Variants in TENM2 observed in about 807,000 individuals in gnomAD.
TENM2 encodes the protein teneurin-2.
In TENM2, 52 loss-of-function variants were observed where a neutral mutation model predicts 245.2. The ratio of observed to expected loss-of-function variants is 0.21; its 90% CI spans 0.17 to 0.27. The LOEUF is 0.27. Among genes scored for constraint, TENM2 ranks in the 10% least tolerant of loss-of-function variants. The pLI is 1.00. For synonymous variants in TENM2, 1,363 were observed against 1,438.9 expected (o/e 0.95, Z 1.19); for missense variants, 3,046 against 3,666.8 (o/e 0.83, Z 4.37).
At chr5:167,117,837 A>G in the TENM2 span, among the ~76,000 whole-genome samples, 1 of 38,528 alleles carries the variant, frequency 2.6e-5, no homozygotes. Context: ...TCCCCCACCC[A>G]GTTGTGAATA....
intron 2 of TENM2, among the ~76,000 whole-genome samples, chr5:167,527,237 G>A (rs1459490922): frequency 6.6e-6 from 1 of 152,000 alleles, no homozygotes; most frequent in Non-Finnish European, 1.5e-5. Context: ...TATGACGTAG[G>A]CCCTCATGCA....
intron 5 of TENM2, among the ~76,000 whole-genome samples, chr5:168,024,669 A>G (rs908621510): frequency 6.6e-6 from 1 of 152,162 alleles, no homozygotes; most frequent in Non-Finnish European, 1.5e-5. Context: ...GACAATTAAG[A>G]AAAAAATAGT....
intron 4 of TENM2, among the ~76,000 whole-genome samples, chr5:167,974,037 A>AAGGAGAAG (rs749674919): frequency 4.0e-5 from 1 of 25,060 alleles, no homozygotes; most frequent in Non-Finnish European, 5.5e-5. Context: ...GGAAGGAAGG[A>AAGGAGAAG]GAAGGAAGGA....
chr5:167,393,265 T>C (rs1761867994), intron 2 of TENM2, among the ~76,000 whole-genome samples: 1 of 151,856 alleles, frequency 6.6e-6, no homozygotes, highest in Admixed American at 6.6e-5. Context: ...AACTATGCTA[T>C]GTAGTGATAA....
At chr5:168,102,146 T>G (rs543421008) in intron 9 of TENM2, among the ~76,000 whole-genome samples, 1 of 152,288 alleles carries the variant, frequency 6.6e-6, no homozygotes, top group South Asian at 2.1e-4. Context: ...CAATCTCGGC[T>G]CACCGCAACC....
chr5:167,958,947 G>A (rs545937591), intron 4 of TENM2, among the ~76,000 whole-genome samples: 61 of 152,114 alleles, frequency 4.0e-4, no homozygotes, highest in African/African-American at 1.3e-3. Context: ...TGAATCTGAC[G>A]ATTATGTGTC....
At chr5:167,599,998 T>A (rs1369633023) in intron 2 of TENM2, among the ~76,000 whole-genome samples, 1 of 148,840 alleles carries the variant, frequency 6.7e-6, no homozygotes, top group East Asian at 2.0e-4. Context: ...ACACAAAAAT[T>A]AGCCAGACGT....
chr5:167,287,888 G>GACT (rs1345274583), intron 1 of TENM2: 50 of 152,192 alleles, frequency 3.3e-4, no homozygotes, highest in African/African-American at 1.2e-3. Flanking sequence ...ATTAGTAAAT[G>GACT]ACTAATCCTG....
At chr5:167,261,941 G>A in the TENM2 span, among the ~76,000 whole-genome samples, 1 of 152,134 alleles carries the variant, frequency 6.6e-6, no homozygotes, top group Non-Finnish European at 1.5e-5. Context: ...GGGTCAGACC[G>A]AATTCAACAC....
intron 2 of TENM2, among the ~76,000 whole-genome samples, chr5:167,702,517 C>A: frequency 7.1e-6 from 1 of 140,280 alleles, no homozygotes; most frequent in Non-Finnish European, 1.5e-5. Flanking sequence ...AAAGAAAGGG[C>A]TAATTTATAT....
chr5:167,722,597 A>C (rs1485221881), intron 2 of TENM2, among the ~76,000 whole-genome samples: 1 of 152,138 alleles, frequency 6.6e-6, no homozygotes, highest in Non-Finnish European at 1.5e-5. Context: ...AACATGGTGA[A>C]ACCCCATCTC....
chr5:167,581,145 T>C lies in TENM2; in HGVS notation c.502+205672T>C, dbSNP rs1775066495. ...AAATAGTGTACTCTTCTGTCATCTC[T>C]ATTTGACAAACATACTTATTAATAA... On this transcript the variant is annotated intron_variant, in intron 2 of 28. Transcript: ENST00000518659. Among the ~76,000 whole-genome samples the C allele has an allele frequency of 2.0e-5, 3 of 152,254 alleles. No homozygotes were observed. In the South Asian group the frequency reaches 6.2e-4, roughly 31 times the overall value.
At chr5:168,063,352 T>C (rs1790211545) in intron 7 of TENM2, among the ~76,000 whole-genome samples, 1 of 152,164 alleles carries the variant, frequency 6.6e-6, no homozygotes, top group Admixed American at 6.6e-5. Flanking sequence ...TTCCCTTAGT[T>C]TGTCGTGGTG....
At chr5:167,170,621 A>G in the TENM2 span, among the ~76,000 whole-genome samples, 1 of 152,224 alleles carries the variant, frequency 6.6e-6, no homozygotes, top group Non-Finnish European at 1.5e-5. Flanking sequence ...ATAAAAATCC[A>G]TTGACATAAC....
At chr5:167,759,143 T>C (rs1762497569) in intron 2 of TENM2, among the ~76,000 whole-genome samples, 1 of 147,876 alleles carries the variant, frequency 6.8e-6, no homozygotes, top group South Asian at 2.2e-4. Context: ...CAAATCCCAG[T>C]TCTGACACAT....
chr5:168,101,589 A>G (rs548496144), intron 9 of TENM2, among the ~76,000 whole-genome samples: 48 of 152,292 alleles, frequency 3.2e-4, no homozygotes, highest in African/African-American at 1.1e-3. Flanking sequence ...TGCATTAGCC[A>G]TGGTATATAA....
chr5:167,293,425 G>T, intron 1 of TENM2, among the ~76,000 whole-genome samples: 1 of 133,782 alleles, frequency 7.5e-6, no homozygotes, highest in Non-Finnish European at 1.6e-5. Flanking sequence ...TCTCCATGTT[G>T]GTCAGGCTGT....
At chr5:167,268,251 T>A in the TENM2 span, among the ~76,000 whole-genome samples, 6 of 152,106 alleles carry the variant, frequency 3.9e-5, no homozygotes, top group Non-Finnish European at 7.4e-5. Context: ...AAATAATAAT[T>A]AGCAGCAGCA....
At chr5:167,862,263 G>A (rs949184099) in intron 2 of TENM2, among the ~76,000 whole-genome samples, 51 of 152,204 alleles carry the variant, frequency 3.4e-4, no homozygotes, top group African/African-American at 1.1e-3. Context: ...GTGTGTGTGT[G>A]TGTGTGCATA....
Sources: allele counts gnomAD v4.1 joint callset (sites outside exome capture counted in the v4.1 genomes callset), GRCh38; gene constraint gnomAD v4.1.1; transcripts MANE v1.5; gene names NCBI Gene and HGNC (gene_info 2026-07-23, HGNC 2026-07-21).